Variants in PRKAG2 observed in about 807,000 individuals in gnomAD.
The protein encoded by PRKAG2 is protein kinase AMP-activated non-catalytic subunit gamma 2.
PRKAG2 carries 26 observed loss-of-function variants against 69.6 expected under a neutral mutation model. The observed-to-expected ratio is 0.37, with a 90% CI of 0.27 to 0.52. The LOEUF is 0.52. Ranked by LOEUF, PRKAG2 falls within the 20% of genes least tolerant of loss-of-function variation. The pLI is 0.90. For synonymous variants in PRKAG2, 293 were observed against 285.0 expected (o/e 1.03, Z -0.28); for missense variants, 557 against 740.0 (o/e 0.75, Z 2.87).
rs1398427762 is a variant in PRKAG2, at chr7:151,573,748, C to G, written c.1006-1039G>C. The stretch of plus-strand genomic sequence containing the variant: ...ATGGGAAATAAATACAGGATATTTA[C>G]AAAATCTTTGGTAAAACTTCCTAAG... On this transcript the variant is annotated intron_variant, in intron 8 of 15. Coordinates refer to ENST00000287878, the MANE Select transcript of PRKAG2 (RefSeq NM_016203.4). Among the ~76,000 whole-genome samples, 3 of 152,096 alleles carry G rather than the reference C, an allele frequency of 2.0e-5. No homozygotes were observed. In the South Asian group the frequency reaches 6.2e-4, roughly 32 times the overall value.
chr7:151,652,821 G>A (rs897422220), intron 4 of PRKAG2, among the ~76,000 whole-genome samples: 3 of 152,152 alleles, frequency 2.0e-5, no homozygotes, highest in South Asian at 2.1e-4. Context: ...GTTTCACCAC[G>A]TTGTCCAGGC....
At chr7:151,830,371 C>T (rs73160038) in intron 1 of PRKAG2, among the ~76,000 whole-genome samples, 38,557 of 151,646 alleles carry the variant, frequency 0.25, 5,467 homozygotes, top group Non-Finnish European at 0.28. Flanking sequence ...CACCTCTTTC[C>T]TCTCCAGGGC....
chr7:151,871,467 A>G (rs1467240367), intron 1 of PRKAG2, among the ~76,000 whole-genome samples: 1 of 151,994 alleles, frequency 6.6e-6, no homozygotes, highest in East Asian at 1.9e-4. Context: ...CTTCCTCTCC[A>G]TTGCATCCTC....
At chr7:151,654,314 C>A (rs1005887871) in intron 4 of PRKAG2, among the ~76,000 whole-genome samples, 2 of 152,164 alleles carry the variant, frequency 1.3e-5, no homozygotes, top group African/African-American at 2.4e-5. Flanking sequence ...TCTTCTTGCA[C>A]CCCAGACACA....
At chr7:151,667,155 T>G (rs1831177154) in intron 4 of PRKAG2, among the ~76,000 whole-genome samples, 1 of 152,214 alleles carries the variant, frequency 6.6e-6, no homozygotes, top group Admixed American at 6.5e-5. Flanking sequence ...CCCAGCTTAG[T>G]CCTCCCTGTG....
At chr7:151,842,075 TA>T (rs1410617001) in intron 1 of PRKAG2, among the ~76,000 whole-genome samples, 18 of 134,932 alleles carry the variant, frequency 1.3e-4, no homozygotes, top group South Asian at 1.2e-3. Context: ...TGATGGTAGG[TA>T]GTGATGATGG....
At chr7:151,792,095 T>C (rs986553100) in intron 1 of PRKAG2, among the ~76,000 whole-genome samples, 18 of 152,288 alleles carry the variant, frequency 1.2e-4, no homozygotes, top group African/African-American at 4.1e-4. Flanking sequence ...GTTCCAGTAA[T>C]AGAAAAACAA....
At chr7:151,757,700 C>T (rs548730016) in intron 3 of PRKAG2, among the ~76,000 whole-genome samples, 1 of 152,172 alleles carries the variant, frequency 6.6e-6, no homozygotes, top group East Asian at 1.9e-4. Flanking sequence ...GCCTCAAAGG[C>T]GTTCCAGACG....
At chr7:151,741,907 C>T (rs911532222) in intron 3 of PRKAG2, among the ~76,000 whole-genome samples, 5 of 152,146 alleles carry the variant, frequency 3.3e-5, no homozygotes, top group African/African-American at 1.2e-4. Flanking sequence ...CTCTAAGAAC[C>T]ATATTTTATT....
intron 3 of PRKAG2, among the ~76,000 whole-genome samples, chr7:151,702,201 A>G (rs943003637): frequency 1.3e-5 from 2 of 152,202 alleles, no homozygotes. Flanking sequence ...GCTTTCTAAG[A>G]AAGAAGCAAA....
chr7:151,610,238 G>T (rs572271288), intron 5 of PRKAG2, among the ~76,000 whole-genome samples: 1 of 152,076 alleles, frequency 6.6e-6, no homozygotes, highest in East Asian at 1.9e-4. Flanking sequence ...GCATGGTGGC[G>T]GGTGCCTGTA....
rs371079014 is a variant in PRKAG2, at chr7:151,859,903, G to C, written c.114+16604C>G. Among the ~76,000 whole-genome samples, 4 of 152,306 alleles carry C rather than the reference G, an allele frequency of 2.6e-5. No homozygotes were observed. The South Asian group carries it at 8.3e-4, about 32-fold the overall frequency. ...TATCAGCTGGAAATCCAAGGCCATG[G>C]GAGTCACCTGAGTCCATGCCGCTGG... On this transcript the variant is annotated intron_variant, in intron 1 of 15. Coordinates refer to ENST00000287878, the MANE Select transcript of PRKAG2 (RefSeq NM_016203.4).
chr7:151,757,012 C>A lies in PRKAG2; in HGVS notation c.466+24140G>T, dbSNP rs76993233. On this transcript the variant is annotated intron_variant, in intron 3 of 15. Transcript: ENST00000287878. ...TAAATGCTGGAGTCCTAAAATTACT[C>A]GAGTCTGACCCCCCGGTTTTTGGTC... is the stretch of plus-strand genomic sequence containing the variant. Among the ~76,000 whole-genome samples the A allele has an allele frequency of 3.7e-3, 562 of 152,174 alleles. 9 individuals are homozygous for A. The East Asian group carries it at 0.039, about 10-fold the overall frequency.
At chr7:151,730,285 G>C (rs1470795324) in intron 3 of PRKAG2, among the ~76,000 whole-genome samples, 4 of 152,240 alleles carry the variant, frequency 2.6e-5, no homozygotes, top group Non-Finnish European at 4.4e-5. Context: ...CAAAGACCCT[G>C]AGGATGCAGG....
At chr7:151,838,355 C>T (rs569813552) in intron 1 of PRKAG2, among the ~76,000 whole-genome samples, 66 of 152,140 alleles carry the variant, frequency 4.3e-4, no homozygotes, top group African/African-American at 1.3e-3. Flanking sequence ...CCTCAGCACC[C>T]TCGTCTCCAG....
intron 1 of PRKAG2, among the ~76,000 whole-genome samples, chr7:151,826,093 T>G (rs1054476361): frequency 7.9e-5 from 12 of 152,256 alleles, no homozygotes; most frequent in African/African-American, 2.9e-4. Context: ...TATGCAAAGC[T>G]GTGCACCCAC....
At chr7:151,596,547 G>T (rs1814571978) in intron 5 of PRKAG2, among the ~76,000 whole-genome samples, 2 of 152,092 alleles carry the variant, frequency 1.3e-5, no homozygotes, top group African/African-American at 4.8e-5. Flanking sequence ...TCAGGAGTTT[G>T]AGACCAGCCT....
chr7:151,636,340 C>T (rs1345235440), intron 4 of PRKAG2, among the ~76,000 whole-genome samples: 1 of 152,134 alleles, frequency 6.6e-6, no homozygotes, highest in Admixed American at 6.5e-5. Flanking sequence ...TCACACCCAT[C>T]CCTAGGCAAC....
At chr7:151,775,801 G>C (rs909567547) in intron 3 of PRKAG2, among the ~76,000 whole-genome samples, 2 of 152,206 alleles carry the variant, frequency 1.3e-5, no homozygotes, top group Non-Finnish European at 2.9e-5. Context: ...AGTGGACACA[G>C]TGGCTTTCAC....
Sources: allele counts gnomAD v4.1 joint callset (sites outside exome capture counted in the v4.1 genomes callset), GRCh38; gene constraint gnomAD v4.1.1; transcripts MANE v1.5; gene names NCBI Gene and HGNC (gene_info 2026-07-23, HGNC 2026-07-21).